The following FER1L6 variants were observed in gnomAD, a reference collection of about 807,000 sequenced individuals.
The protein encoded by FER1L6 is fer-1 like family member 6.
Under a neutral mutation model 219.2 loss-of-function variants are expected in FER1L6, and 177 were observed. That is an observed-to-expected ratio of 0.81 (90% CI 0.71 to 0.91). The LOEUF is 0.91. Ranked by LOEUF, FER1L6 falls within the 40% of genes least tolerant of loss-of-function variation. The pLI is 0.00. For synonymous variants in FER1L6, 768 were observed against 824.3 expected, an observed-to-expected ratio of 0.93 and a Z score of 1.17; for missense variants, 2,153 against 2,259.9, an observed-to-expected ratio of 0.95 and a Z score of 0.96.
intron 33 of FER1L6, among the ~76,000 whole-genome samples, chr8:124,091,173 C>T (rs868625017): frequency 7.9e-5 from 12 of 152,160 alleles, no homozygotes; most frequent in South Asian, 2.1e-4. Flanking sequence ...GTGAATTTCA[C>T]TTCAATTTAA....
intron 1 of FER1L6, among the ~76,000 whole-genome samples, chr8:123,937,027 T>A (rs1192748952): frequency 1.3e-5 from 2 of 152,232 alleles, no homozygotes; most frequent in African/African-American, 4.8e-5. Flanking sequence ...TGCCTCAGCC[T>A]CCTGAGTAGC....
rs1201999952 is a variant in FER1L6 at position 123,862,417 on chromosome 8, C to G, written c.-8+10232C>G. 1.7e-3 allele frequency among the ~76,000 whole-genome samples: 230 copies of G among 139,296 alleles called. 2 individuals carry two copies. Among genetic ancestry groups the G allele is most frequent in the African/African-American group, 6.4e-3 (217 of 33,976 alleles). 91.4% of individuals were successfully genotyped at this position (139,296 alleles called of 152,430 possible). A position where few individuals can be genotyped will look rare whatever the true frequency, so the allele number is the denominator to read the frequency against. Reference sequence around the variant, plus strand: ...TGAGGATTTTTGCATCAATGTTCATCAAGGATATTGGTCCAAAATCCTCTT... The same window carrying G: ...TGAGGATTTTTGCATCAATGTTCATGAAGGATATTGGTCCAAAATCCTCTT... On this transcript the variant is annotated intron_variant, in intron 1 of 40. Transcript: ENST00000522917.
chr8:123,853,016 C>T lies in FER1L6; in HGVS notation c.-8+831C>T, dbSNP rs67477611. ...AGCTACCTATCAGATCAATTTTATT[C>T]TTATTTTTGTAGAGACGGGGCCTCG... is the stretch of plus-strand genomic sequence containing the variant. On this transcript the variant is annotated intron_variant, in intron 1 of 40. Coordinates refer to ENST00000522917, the MANE Select transcript of FER1L6 (RefSeq NM_001039112.2). This position sits in a 1 kb window ranked among gnomAD's most constrained non-coding sequence, Gnocchi z 6.6. 0.16 allele frequency among the ~76,000 whole-genome samples: 24,898 copies of T among 152,042 alleles called. 2,232 individuals carry two copies. The highest frequency in any genetic ancestry group is 0.19 in the Middle Eastern group (57 of 294).
intron 1 of FER1L6, among the ~76,000 whole-genome samples, chr8:123,876,665 A>G (rs1360107039): frequency 6.6e-6 from 1 of 152,170 alleles, no homozygotes; most frequent in Non-Finnish European, 1.5e-5. Context: ...CCTTACAGAA[A>G]AAAAGCAATC....
At chr8:123,854,877 C>T (rs1045946399) in intron 1 of FER1L6, among the ~76,000 whole-genome samples, 6 of 152,098 alleles carry the variant, frequency 3.9e-5, no homozygotes, top group Non-Finnish European at 4.4e-5. Flanking sequence ...TAATCTGTCT[C>T]GTATCCTAGT....
chr8:124,095,124 C>A, intron 35 of FER1L6, 86 bp downstream of exon 35: 1 of 1,527,500 alleles, frequency 6.5e-7, no homozygotes. Context: ...TTTTGACCTT[C>A]CCTCAGGTAC....
chr8:123,938,336 A>T (rs1028455492), intron 1 of FER1L6, among the ~76,000 whole-genome samples: 2 of 152,174 alleles, frequency 1.3e-5, no homozygotes, highest in African/African-American at 4.8e-5. Flanking sequence ...CTACATCATG[A>T]CTTGCATCAC....
intron 18 of FER1L6, among the ~76,000 whole-genome samples, chr8:124,024,198 T>TC (rs1384145523): frequency 7.0e-6 from 1 of 142,120 alleles, no homozygotes; most frequent in Non-Finnish European, 1.5e-5. Context: ...ACTTGGCCAT[T>TC]TTTTTTTTTT....
intron 5 of FER1L6, among the ~76,000 whole-genome samples, chr8:123,968,137 C>T (rs1815641632): frequency 6.6e-6 from 1 of 152,070 alleles, no homozygotes; most frequent in Non-Finnish European, 1.5e-5. Context: ...GTACATTTTC[C>T]CTTCTTGTTC....
Position 123,963,396 on chromosome 8 carries a change from A to G in FER1L6, c.195A>G (p.Arg65=), listed in dbSNP as rs1160523938. ...IFPVPSASPK[R]RSKLLTKIHD... ...CTGTCCCCTCAGCTTCTCCAAAGAG[A>G]AGGTACAGTATGGATGCAGGTGGTC... is the stretch of plus-strand genomic sequence containing the variant. Residue 65 remains arginine (R), a splice_region_variant and synonymous_variant, in exon 3 of 41, where the codon AGA becomes AGG. Transcript: ENST00000522917. 2 of 1,613,886 alleles carry G rather than the reference A, an allele frequency of 1.2e-6. No individual in the cohort carries two copies. Among genetic ancestry groups the G allele is most frequent in the Non-Finnish European group, 1.7e-6 (2 of 1,179,892 alleles).
rs1816276593 is a variant in FER1L6, at chr8:123,980,549, T to C, written c.1148T>C (p.Met383Thr). The change falls in exon 11 of 41, where the codon ATG (methionine) becomes ACG (threonine). Residue 383 changes from methionine to threonine, a missense_variant. Transcript: ENST00000522917. ...AGTCTGATGGATGACTACCAGGAAA[T>C]GAACGAAGGCTTTGGGGAAGGTGTG... ...NHSLMDDYQE[M>T]NEGFGEGVSF... 6.2e-7 allele frequency: 1 copy of C among 1,613,956 alleles called. No homozygotes were observed. The highest frequency in any genetic ancestry group is 8.5e-7 in the Non-Finnish European group (1 of 1,180,000).
chr8:124,011,700 G>T (rs1219926638), intron 14 of FER1L6, among the ~76,000 whole-genome samples: 4 of 146,648 alleles, frequency 2.7e-5, no homozygotes, highest in Non-Finnish European at 4.5e-5. Flanking sequence ...TACTCAGGCT[G>T]GTCTGGAATT....
chr8:124,075,531 TAATA>T (rs1289008849), intron 31 of FER1L6, among the ~76,000 whole-genome samples: 5 of 152,182 alleles, frequency 3.3e-5, no homozygotes, highest in African/African-American at 1.2e-4. Context: ...TAACTTTTTT[TAATA>T]AATAGAAAAA....
intron 39 of FER1L6, among the ~76,000 whole-genome samples, chr8:124,112,169 C>T (rs553425709): frequency 3.9e-5 from 6 of 152,272 alleles, no homozygotes; most frequent in African/African-American, 7.2e-5. Flanking sequence ...ATTCCAACTC[C>T]GTGTGCACTC....
intron 12 of FER1L6, among the ~76,000 whole-genome samples, chr8:123,988,001 G>A (rs1393633620): frequency 6.6e-6 from 1 of 152,148 alleles, no homozygotes; most frequent in East Asian, 1.9e-4. Context: ...GGGAGGCTGA[G>A]GCAGGAGAAT....
At chr8:124,043,765 C>T (rs1819605350) in intron 20 of FER1L6, among the ~76,000 whole-genome samples, 5 of 152,216 alleles carry the variant, frequency 3.3e-5, no homozygotes, top group African/African-American at 1.2e-4. Context: ...TATGCTCAGT[C>T]ACTGAATGAG....
rs200539572 is a variant in FER1L6, at chr8:124,035,322, G to A, written c.2332G>A (p.Asp778Asn). The change falls in exon 19 of 41, where the codon GAC (aspartate) becomes AAC (asparagine). Residue 778 changes from aspartate to asparagine, a missense_variant. Physicochemically the swap from Asp to Asn is conservative, Grantham distance 23. Coordinates refer to ENST00000522917, the MANE Select transcript of FER1L6 (RefSeq NM_001039112.2). ...TGGTTGGTCTGTGCAAGCAAAAGTC[G>A]ACGTGTACCTGTGGCTGGGCTCCAT... ...PAGWSVQAKV[D>N]VYLWLGSIKH... is the part of the protein sequence containing the mutation. 1.2e-5 allele frequency: 19 copies of A among 1,614,076 alleles called. No homozygotes were observed. The highest frequency in any genetic ancestry group is 3.3e-5 in the Admixed American group (2 of 59,996).
rs374673129 is a variant in FER1L6, at chr8:123,998,336, G to T, written c.1520-4831G>T. On this transcript the variant is annotated intron_variant, in intron 12 of 40. Coordinates refer to ENST00000522917, the MANE Select transcript of FER1L6 (RefSeq NM_001039112.2). ...AGAATTCTCTTGATTAATAGGCAGA[G>T]ACACTTGTTCTCTTAGTTTCCCTCA... 3.0e-5 allele frequency among the ~76,000 whole-genome samples: 4 copies of T among 134,818 alleles called. No individual in the cohort carries two copies. In the South Asian group the frequency reaches 9.4e-4, roughly 32 times the overall value. The allele number at this position is 134,818 out of a possible 152,430, so 88.4% of individuals were successfully genotyped here. A position where few individuals can be genotyped will look rare whatever the true frequency, so the allele number is the denominator to read the frequency against.
intron 1 of FER1L6, among the ~76,000 whole-genome samples, chr8:123,921,481 C>A (rs1340115036): frequency 1.3e-5 from 2 of 152,116 alleles, no homozygotes; most frequent in Non-Finnish European, 2.9e-5. Flanking sequence ...CTTCCCGCCT[C>A]AGCTTCCTGA....
Sources: gnomAD v4.1 joint callset for allele counts (sites outside exome capture counted in the v4.1 genomes callset) on GRCh38, gnomAD v4.1.1 for gene constraint, Gnocchi (gnomAD v3.1) non-coding constraint, MANE v1.5 for transcripts, NCBI Gene and HGNC (gene_info 2026-07-23, HGNC 2026-07-21) for gene names.